Variants in COL5A1 observed in about 807,000 individuals in gnomAD.
COL5A1 encodes the protein collagen alpha-1(V) chain.
A neutral mutation model predicts 263.7 loss-of-function variants in COL5A1; 16 were observed. The observed-to-expected ratio is 0.06, with a 90% confidence interval of 0.04 to 0.09. The LOEUF is 0.09. Ranked by LOEUF, COL5A1 falls within the 10% of genes least tolerant of loss-of-function variation. The pLI is 1.00. For missense variants in COL5A1, 2,036 were observed against 2,540.5 expected, an observed-to-expected ratio of 0.80 and a Z score of 4.27; for synonymous variants, 1,012 against 1,004.5, an observed-to-expected ratio of 1.01 and a Z score of -0.14.
intron 61 of COL5A1, 151 bp from the exon 62 acceptor site, chr9:134,824,449 C>G (rs1439271678): frequency 1.1e-6 from 1 of 951,050 alleles, no homozygotes; most frequent in African/African-American, 1.6e-5. Flanking sequence ...GGGATGGAAA[C>G]AGTTCTAAGG....
chr9:134,810,755 C>T (rs957953600), intron 44 of COL5A1, among the ~76,000 whole-genome samples: 1 of 152,196 alleles, frequency 6.6e-6, no homozygotes, highest in Non-Finnish European at 1.5e-5. Context: ...AGCTCCCTCC[C>T]GATGAGTGAC....
chr9:134,697,382 T>C (rs1833517245), intron 2 of COL5A1, among the ~76,000 whole-genome samples: 1 of 152,224 alleles, frequency 6.6e-6, no homozygotes, highest in Admixed American at 6.5e-5. Flanking sequence ...GAAACGGCAT[T>C]TTAATGAGCT....
chr9:134,836,887 G>A (rs1839871208), intron 65 of COL5A1, among the ~76,000 whole-genome samples: 1 of 152,208 alleles, frequency 6.6e-6, no homozygotes, highest in African/African-American at 2.4e-5. Context: ...CGATTGGTTG[G>A]GGTCAGTACT....
intron 1 of COL5A1, among the ~76,000 whole-genome samples, chr9:134,663,489 G>A (rs967438842): frequency 1.7e-4 from 26 of 152,190 alleles, no homozygotes; most frequent in African/African-American, 6.3e-4. Context: ...CTTGAGGGGG[G>A]AGGATAAATG....
rs562064144 is a variant in COL5A1 at position 134,677,124 on chromosome 9, G to T, written c.110-13788G>T. Among the ~76,000 whole-genome samples, 53 of 152,310 alleles carry T rather than the reference G, an allele frequency of 3.5e-4. No homozygotes were observed. The highest frequency in any genetic ancestry group is 1.3e-3 in the African/African-American group (53 of 41,566). On this transcript the variant is annotated intron_variant, in intron 1 of 65. Coordinates refer to ENST00000371817, the MANE Select transcript of COL5A1 (RefSeq NM_000093.5). The surrounding 1 kb of genome is among the most constrained non-coding windows in gnomAD (Gnocchi z 4.4). ...CCAGGAAGCGGCGGTCCATCCCCTC[G>T]TGATTGGTGGCAGGGCCTCTCATCT...
chr9:134,762,135 C>A (rs374582708), intron 19 of COL5A1, among the ~76,000 whole-genome samples, 157 bp downstream of exon 19: 1 of 152,180 alleles, frequency 6.6e-6, no homozygotes, highest in Admixed American at 6.5e-5. Context: ...GTGGGCAAAG[C>A]GATTGATCAG....
At chr9:134,834,654 C>G (rs1054562266) in intron 64 of COL5A1, among the ~76,000 whole-genome samples, 1 of 152,158 alleles carries the variant, frequency 6.6e-6, no homozygotes, top group Non-Finnish European at 1.5e-5. Context: ...AGAGTAGGTG[C>G]AGGAGCATCT....
Position 134,681,658 on chromosome 9 carries a change from G to C in COL5A1, c.110-9254G>C, listed in dbSNP as rs2132531785. 6.6e-6 allele frequency among the ~76,000 whole-genome samples: 1 copy of C among 152,298 alleles called. No individual in the cohort carries two copies. Among genetic ancestry groups the C allele is most frequent in the East Asian group, 1.9e-4 (1 of 5,164 alleles). On this transcript the variant is annotated intron_variant, in intron 1 of 65. Coordinates refer to ENST00000371817, the MANE Select transcript of COL5A1 (RefSeq NM_000093.5). This position sits in a 1 kb window ranked among gnomAD's most constrained non-coding sequence, Gnocchi z 4.3. ...GCCCCAGCATGGCACCAGCCTGCGA[G>C]TGACCATGCTCACCTGCCCTGTACC...
chr9:134,787,996 T>C (rs1837523162), intron 31 of COL5A1, among the ~76,000 whole-genome samples: 1 of 151,904 alleles, frequency 6.6e-6, no homozygotes, highest in South Asian at 2.1e-4. Flanking sequence ...GCTGGGTGAG[T>C]GGAGGGGTGT....
At chr9:134,727,151 C>A in intron 4 of COL5A1, 115 bp from the exon 5 acceptor site, 1 of 1,093,922 alleles carries the variant, frequency 9.1e-7, no homozygotes, top group Middle Eastern at 2.9e-4. Flanking sequence ...AGGACAAGCT[C>A]GTCTTGTGGC....
rs1017687827 is a variant in COL5A1, at chr9:134,700,199, G to C, written c.491+77G>C. The stretch of plus-strand genomic sequence containing the variant: ...CAGCTCATACCACTGACCAGATGTG[G>C]GGCACAGTAGAGGACGTGCAGCAGC... On this transcript the variant is annotated intron_variant, in intron 3 of 65. Coordinates refer to ENST00000371817, the MANE Select transcript of COL5A1 (RefSeq NM_000093.5). The surrounding 1 kb of genome is among the most constrained non-coding windows in gnomAD (Gnocchi z 4.0). 5.8e-6 allele frequency: 8 copies of C among 1,390,876 alleles called. No individual in the cohort carries two copies. The highest frequency in any genetic ancestry group is 8.0e-6 in the Non-Finnish European group (8 of 1,003,356). The allele number at this position is 1,390,876 out of a possible 1,614,324, so 86.2% of individuals were successfully genotyped here.
In COL5A1 at chr9:134,641,969, G is replaced by A. The variant is rs1230536350; in HGVS notation, c.-219G>A. 12 of 402,116 alleles carry A rather than the reference G, an allele frequency of 3.0e-5. No homozygotes were observed. Among genetic ancestry groups the A allele is most frequent in the Admixed American group, 4.5e-5 (1 of 22,426 alleles). 24.9% of individuals were successfully genotyped at this position (402,116 alleles called of 1,614,324 possible). On this transcript the variant is annotated 5_prime_UTR_variant, in exon 1 of 66. Transcript: ENST00000371817. Reference sequence around the variant, plus strand: ...CCCAGCGGGGTCCCGGCCGCCCCGCGGGCCAAAGTCGAGCCCTCCCGCCCG... The same window carrying A: ...CCCAGCGGGGTCCCGGCCGCCCCGCAGGCCAAAGTCGAGCCCTCCCGCCCG...
chr9:134,762,129 G>A (rs889363104), intron 19 of COL5A1, 151 bp downstream of exon 19: 5 of 789,236 alleles, frequency 6.3e-6, no homozygotes, highest in Non-Finnish European at 8.7e-6. Context: ...ATTCCAGTGG[G>A]CAAAGCGATT....
Position 134,696,560 on chromosome 9 carries a change from C to G in COL5A1, c.278-3349C>G, listed in dbSNP as rs962823189. 6.6e-6 allele frequency among the ~76,000 whole-genome samples: 1 copy of G among 152,242 alleles called. No homozygotes were observed. The highest frequency in any genetic ancestry group is 2.4e-5 in the African/African-American group (1 of 41,464). On this transcript the variant is annotated intron_variant, in intron 2 of 65. Transcript: ENST00000371817. This position sits in a 1 kb window ranked among gnomAD's most constrained non-coding sequence, Gnocchi z 4.3. Reference sequence around the variant, plus strand: ...CACTTTCTGAGGTCAGGGACCATATCTGTCCTTTGACTGTGTCACCCCAGC... The same window carrying G: ...CACTTTCTGAGGTCAGGGACCATATGTGTCCTTTGACTGTGTCACCCCAGC...
At chr9:134,747,728 CAT>C (rs1196836574) in intron 11 of COL5A1, among the ~76,000 whole-genome samples, 19 of 151,546 alleles carry the variant, frequency 1.3e-4, no homozygotes, top group Admixed American at 1.0e-3. Flanking sequence ...CATGCAGACA[CAT>C]GCACACATGC....
Position 134,764,383 on chromosome 9 carries a change from C to T in COL5A1, c.2034+646C>T, listed in dbSNP as rs185901861. Among the ~76,000 whole-genome samples the T allele has an allele frequency of 2.0e-3, 283 of 142,122 alleles. 2 individuals carry two copies. The highest frequency in any genetic ancestry group is 7.4e-3 in the African/African-American group (273 of 36,854). The allele number at this position is 142,122 out of a possible 152,430, so 93.2% of individuals were successfully genotyped here. ...GGATCTGAGTGCATTGTGAGGGGTCCCGGGGCAGCACAGTGGCATCCAGGG... is the reference window on the plus strand; with the variant it reads ...GGATCTGAGTGCATTGTGAGGGGTCTCGGGGCAGCACAGTGGCATCCAGGG... On this transcript the variant is annotated intron_variant, in intron 20 of 65. Coordinates refer to ENST00000371817, the MANE Select transcript of COL5A1 (RefSeq NM_000093.5).
intron 2 of COL5A1, among the ~76,000 whole-genome samples, chr9:134,693,711 A>G (rs1409524729): frequency 6.6e-6 from 1 of 152,082 alleles, no homozygotes; most frequent in East Asian, 1.9e-4. Flanking sequence ...CTCCGAGCAA[A>G]CTCGCCACCT....
intron 9 of COL5A1, among the ~76,000 whole-genome samples, chr9:134,735,323 C>G (rs954013814): frequency 1.3e-5 from 2 of 152,224 alleles, no homozygotes; most frequent in Non-Finnish European, 2.9e-5. Context: ...CACCCCATAG[C>G]TGCCTCTTTT....
chr9:134,643,973 A>C (rs1225075820), intron 1 of COL5A1, among the ~76,000 whole-genome samples: 1 of 152,066 alleles, frequency 6.6e-6, no homozygotes, highest in African/African-American at 2.4e-5. Context: ...TGCCCTCGCT[A>C]ATCGAAGTGC....
Sources: gnomAD v4.1 joint callset for allele counts (sites outside exome capture counted in the v4.1 genomes callset) on GRCh38, gnomAD v4.1.1 for gene constraint, Gnocchi (gnomAD v3.1) non-coding constraint, MANE v1.5 for transcripts, NCBI Gene and HGNC (gene_info 2026-07-23, HGNC 2026-07-21) for gene names.